Variants in INCA1 observed in about 807,000 individuals in gnomAD.
The protein encoded by INCA1 is inhibitor of CDK, cyclin A1 interacting protein 1, also known as protein INCA1.
Under a neutral mutation model 25.7 loss-of-function variants are expected in INCA1, and 28 were observed. The ratio of observed to expected loss-of-function variants is 1.09; its 90% CI spans 0.81 to 1.49. The LOEUF is 1.49. Among genes scored for constraint, INCA1 ranks in the 40% most tolerant of loss-of-function variants. The pLI, the probability that INCA1 is intolerant of heterozygous loss-of-function variation, is 0.00. For missense variants in INCA1, 309 were observed against 290.9 expected (o/e 1.06, Z -0.45); for synonymous variants, 111 against 103.6 (o/e 1.07, Z -0.43).
chr17:4,996,029 G>C (rs1825604879), intron 1 of INCA1: 1 of 152,216 alleles, frequency 6.6e-6, no homozygotes, highest in African/African-American at 2.4e-5. Flanking sequence ...CCTGTGGATA[G>C]GGAGGTCAGT....
Position 4,988,846 on chromosome 17 carries a change from TC to T in INCA1, c.493del (p.Asp165IlefsTer82). 3 of 1,614,218 alleles carry T rather than the reference TC, an allele frequency of 1.9e-6. No individual in the cohort carries two copies. The highest frequency in any genetic ancestry group is 2.5e-6 in the Non-Finnish European group (3 of 1,180,040). ...ATAGGTTGCTCTCTCCTCTTCCAGA[TC>T]AGGGTATTCATTGGTGCTGGGGAAT... is the stretch of plus-strand genomic sequence containing the variant. On this transcript the variant is annotated frameshift_variant, in exon 6 of 7. Transcript: ENST00000576820. LOFTEE classifies it high-confidence loss of function.
chr17:4,992,145 G>T (rs189296319), intron 2 of INCA1, among the ~76,000 whole-genome samples: 3 of 152,164 alleles, frequency 2.0e-5, no homozygotes, highest in Non-Finnish European at 4.4e-5. Context: ...TGACTGAAAA[G>T]GGTACATGGG....
At chr17:4,992,791 A>C (rs1973962972) in intron 2 of INCA1, among the ~76,000 whole-genome samples, 1 of 115,730 alleles carries the variant, frequency 8.6e-6, no homozygotes, top group Admixed American at 8.5e-5. Context: ...CTCACTGCAG[A>C]CTCAAACTCT....
intron 2 of INCA1, among the ~76,000 whole-genome samples, chr17:4,993,609 C>CA (rs1466120296): frequency 6.6e-6 from 1 of 151,366 alleles, no homozygotes; most frequent in Non-Finnish European, 1.5e-5. Flanking sequence ...GCTGGGACTA[C>CA]AGGCGCCCGC....
exon 7 of INCA1, chr17:4,988,374 C>G (rs758377052): frequency 2.5e-5 from 40 of 1,574,608 alleles, no homozygotes; most frequent in Non-Finnish European, 3.3e-5. Flanking sequence ...CCCTGGGGCA[C>G]CACTAGCCTC....
Position 4,988,574 on chromosome 17 carries a change from TG to T in INCA1, c.562-21del. 1 of 1,605,878 alleles carries T rather than the reference TG, an allele frequency of 6.2e-7. No homozygotes were observed. The highest frequency in any genetic ancestry group is 1.7e-4 in the Middle Eastern group (1 of 6,028). ...AAGCAGCTGTCAAGATGAGAGAAAT[TG>T]AAAAAGAAAATGGAAAAGTAGGTCT... On this transcript the variant is annotated intron_variant, in intron 6 of 6. Coordinates refer to ENST00000576820, the Ensembl canonical transcript of INCA1.
At chr17:4,996,487 G>T (rs1473772011) in intron 1 of INCA1, among the ~76,000 whole-genome samples, 2 of 151,552 alleles carry the variant, frequency 1.3e-5, no homozygotes, top group Non-Finnish European at 2.9e-5. Context: ...TTCGAGACCA[G>T]CCTGGCCAAC....
rs1567706272 is a variant in INCA1, at chr17:4,988,762, TTCCACTCCAAC to T, written c.561+6_561+16del. On this transcript the variant is annotated splice_donor_region_variant and intron_variant, in intron 6 of 6. Transcript: ENST00000576820. Reference sequence around the variant, plus strand: ...CACATCACTCCCTCACTCCACCCAGTTCCACTCCAACAATACCTGGGCCCTGCCAGGAGTGA... The same window carrying T: ...CACATCACTCCCTCACTCCACCCAGTAATACCTGGGCCCTGCCAGGAGTGA... 6.2e-7 allele frequency: 1 copy of T among 1,613,988 alleles called. No individual in the cohort carries two copies. The highest frequency in any genetic ancestry group is 8.5e-7 in the Non-Finnish European group (1 of 1,179,876).
At chr17:4,994,497 A>C in intron 1 of INCA1, 22 bp from the exon 2 acceptor site, 1 of 1,586,114 alleles carries the variant, frequency 6.3e-7, no homozygotes, top group Non-Finnish European at 8.7e-7. Context: ...ATGGAAAAGA[A>C]GTCATTCATT....
chr17:4,996,123 G>A (rs1338477294), intron 1 of INCA1, among the ~76,000 whole-genome samples: 1 of 152,030 alleles, frequency 6.6e-6, no homozygotes, highest in East Asian at 1.9e-4. Flanking sequence ...ACTGGCTCAC[G>A]CCTGTAATCC....
chr17:4,991,637 C>T (rs939267823), intron 2 of INCA1, among the ~76,000 whole-genome samples: 26 of 152,148 alleles, frequency 1.7e-4, no homozygotes, highest in African/African-American at 6.0e-4. Context: ...CTTAGGTGAT[C>T]TCACCCAGTA....
intron 1 of INCA1, among the ~76,000 whole-genome samples, chr17:4,996,637 A>G (rs1974291556): frequency 7.3e-6 from 1 of 136,642 alleles, no homozygotes; most frequent in Non-Finnish European, 1.5e-5. Context: ...AGCCGAGGTC[A>G]GCCTGGGCAA....
intron 2 of INCA1, among the ~76,000 whole-genome samples, chr17:4,991,877 T>C (rs974518684): frequency 6.6e-6 from 1 of 152,198 alleles, no homozygotes; most frequent in East Asian, 1.9e-4. Context: ...TACCTGAATT[T>C]GACCACTCCT....
At chr17:4,996,827 G>GGA (rs1316712804) in intron 1 of INCA1, 1 of 153,090 alleles carries the variant, frequency 6.5e-6, no homozygotes, top group Non-Finnish European at 1.5e-5. Context: ...GGTCAAAAGC[G>GGA]GAGAGAAGTA....
chr17:4,993,991 C>G (rs1379151856), intron 2 of INCA1, among the ~76,000 whole-genome samples: 1 of 151,392 alleles, frequency 6.6e-6, no homozygotes, highest in Non-Finnish European at 1.5e-5. Flanking sequence ...AGGCTGGTCT[C>G]GAACTCCTGA....
At chr17:4,990,126 T>TA in intron 3 of INCA1, 26 bp downstream of exon 3, 1 of 1,613,960 alleles carries the variant, frequency 6.2e-7, no homozygotes, top group African/African-American at 1.3e-5. Context: ...CACATCCAGT[T>TA]AGTTTCCATT....
chr17:4,989,030 T>C (rs1973599729), intron 5 of INCA1, 86 bp from the exon 6 acceptor site: 1 of 1,388,638 alleles, frequency 7.2e-7, no homozygotes, highest in East Asian at 2.4e-5. Context: ...TCTGAAATAC[T>C]TCCTGCTGGG....
chr17:4,988,687 C>T (rs1973555662), intron 6 of INCA1, 92 bp downstream of exon 6: 1 of 1,577,062 alleles, frequency 6.3e-7, no homozygotes, highest in Admixed American at 1.8e-5. Context: ...TCAAATCCAG[C>T]TCTCCAGCCT....
At chr17:4,990,297 G>T in intron 2 of INCA1, 32 bp from the exon 3 acceptor site, 1 of 1,593,202 alleles carries the variant, frequency 6.3e-7, no homozygotes, top group Non-Finnish European at 8.5e-7. Context: ...CTCGGGTCTG[G>T]CTCTTCCCTT....
Sources: allele counts gnomAD v4.1 joint callset (sites outside exome capture counted in the v4.1 genomes callset), GRCh38; gene constraint gnomAD v4.1.1; transcripts MANE v1.5; gene names NCBI Gene and HGNC (gene_info 2026-07-23, HGNC 2026-07-21).